The following ADAMTS19 variants were observed in gnomAD, a reference collection of about 807,000 sequenced individuals.
ADAMTS19 encodes the protein ADAM metallopeptidase with thrombospondin type 1 motif 19.
Under a neutral mutation model 153.3 loss-of-function variants are expected in ADAMTS19, and 93 were observed. The ratio of observed to expected loss-of-function variants is 0.61; its 90% CI spans 0.51 to 0.72. The LOEUF is 0.72. ADAMTS19 is among the 30% of genes least tolerant of loss of function. The probability of loss-of-function intolerance (pLI) is 0.00; values close to 1 mark genes in which losing one functional copy is unlikely to be tolerated. For synonymous variants in ADAMTS19, 600 were observed against 556.6 expected, an observed-to-expected ratio of 1.08 and a Z score of -1.10; for missense variants, 1,482 against 1,552.1, an observed-to-expected ratio of 0.95 and a Z score of 0.76.
At chr5:129,720,196 A>T (rs1756935622) in intron 21 of ADAMTS19, among the ~76,000 whole-genome samples, 1 of 145,740 alleles carries the variant, frequency 6.9e-6, no homozygotes, top group Admixed American at 6.8e-5. Context: ...TTTGGAGACA[A>T]AGTCTTGCTC....
chr5:129,516,344 T>A (rs1751606858), intron 3 of ADAMTS19, among the ~76,000 whole-genome samples: 3 of 151,572 alleles, frequency 2.0e-5, no homozygotes, highest in South Asian at 4.2e-4. Flanking sequence ...CCTCCTCTTA[T>A]ATATTTTTTG....
chr5:129,535,956 A>T (rs1189735454), intron 6 of ADAMTS19, among the ~76,000 whole-genome samples: 1 of 152,172 alleles, frequency 6.6e-6, no homozygotes, highest in Non-Finnish European at 1.5e-5. Context: ...AACCATAAAA[A>T]CCCTAGAAGA....
At chr5:129,682,605 T>G (rs1754872298) in intron 17 of ADAMTS19, among the ~76,000 whole-genome samples, 1 of 152,206 alleles carries the variant, frequency 6.6e-6, no homozygotes, top group Non-Finnish European at 1.5e-5. Flanking sequence ...GTATTAATAA[T>G]AGTCTGGGTA....
At chr5:129,603,654 T>C (rs1369232363) in intron 8 of ADAMTS19, among the ~76,000 whole-genome samples, 1 of 152,170 alleles carries the variant, frequency 6.6e-6, no homozygotes, top group Non-Finnish European at 1.5e-5. Context: ...AATAGCATAA[T>C]CCCGTGACCA....
intron 20 of ADAMTS19, among the ~76,000 whole-genome samples, chr5:129,702,941 A>AATATATATATATATATATATATATAT (rs59614056): frequency 1.0e-4 from 3 of 29,264 alleles, no homozygotes; most frequent in African/African-American, 2.6e-4. Flanking sequence ...AAAAAAAAAA[A>AATATATATATATATATATATATATAT]ATATATATAT....
chr5:129,475,161 A>C (rs1278959621), intron 2 of ADAMTS19, among the ~76,000 whole-genome samples: 1 of 151,708 alleles, frequency 6.6e-6, no homozygotes, highest in Non-Finnish European at 1.5e-5. Context: ...CTCAGTGTCT[A>C]ACCCAAAGTC....
intron 2 of ADAMTS19, among the ~76,000 whole-genome samples, chr5:129,496,510 C>T (rs2126701273): frequency 6.6e-6 from 1 of 152,156 alleles, no homozygotes; most frequent in East Asian, 1.9e-4. Context: ...GTTTGCTCCA[C>T]TAATCTTGTT....
chr5:129,685,966 A>G (rs895696064), intron 18 of ADAMTS19, among the ~76,000 whole-genome samples: 2 of 152,224 alleles, frequency 1.3e-5, no homozygotes, highest in African/African-American at 4.8e-5. Flanking sequence ...TATTTTGTCA[A>G]TAAAGGCTAT....
rs199540994 is a variant in ADAMTS19 at position 129,647,791 on chromosome 5, C to A, written c.1899C>A (p.Ser633Arg). The change falls in exon 12 of 23, where the codon AGC becomes AGA. Residue 633 changes from serine to arginine, a missense_variant. Around this residue, in one of 2 missense-constraint regions of ADAMTS19, gnomAD observed 616 missense variants for 724.4 expected, o/e 0.85. Transcript: ENST00000274487. ...GGTGTAAGGCTGGAGAATGTACCAG[C>A]AGGACCTCAGCACCTGAACATCTGG... Reference protein sequence around the residue: ...GKWCKAGECTSRTSAPEHLAG... With the variant: ...GKWCKAGECTRRTSAPEHLAG... 3.1e-4 allele frequency: 505 copies of A among 1,614,012 alleles called. 3 individuals are homozygous for A. Among genetic ancestry groups the A allele is most frequent in the South Asian group, 2.1e-3 (190 of 91,072 alleles).
At chr5:129,549,690 C>A (rs1480835678) in intron 6 of ADAMTS19, among the ~76,000 whole-genome samples, 1 of 150,878 alleles carries the variant, frequency 6.6e-6, no homozygotes, top group East Asian at 2.0e-4. Context: ...TATATCAGAG[C>A]TTTTAAGAGC....
intron 21 of ADAMTS19, among the ~76,000 whole-genome samples, chr5:129,720,177 T>A (rs1208431517): frequency 1.1e-3 from 158 of 145,798 alleles, no homozygotes; most frequent in African/African-American, 4.0e-3. Context: ...TATATTTATT[T>A]TTTTTTTTTT....
At chr5:129,558,408 A>G (rs1753388523) in intron 7 of ADAMTS19, among the ~76,000 whole-genome samples, 1 of 152,134 alleles carries the variant, frequency 6.6e-6, no homozygotes, top group Admixed American at 6.6e-5. Context: ...AAACTTGTTT[A>G]TTTTATGTAA....
At chr5:129,647,709 G>T in intron 11 of ADAMTS19, 56 bp from the exon 12 acceptor site, 5 of 1,573,858 alleles carry the variant, frequency 3.2e-6, no homozygotes, top group South Asian at 1.2e-5. Flanking sequence ...ATAGGCCAGC[G>T]AATGATTTTC....
intron 21 of ADAMTS19, among the ~76,000 whole-genome samples, chr5:129,707,842 A>C (rs990435233): frequency 6.6e-6 from 1 of 152,182 alleles, no homozygotes; most frequent in Non-Finnish European, 1.5e-5. Flanking sequence ...TTAAATGTAC[A>C]ATTTTTTTAT....
chr5:129,606,895 G>A (rs1279804531), intron 8 of ADAMTS19, among the ~76,000 whole-genome samples: 1 of 140,768 alleles, frequency 7.1e-6, no homozygotes, highest in African/African-American at 2.7e-5. Flanking sequence ...TTGGAAATAT[G>A]TTTCCACTTT....
At chr5:129,639,463 A>T (rs1752696972) in intron 10 of ADAMTS19, among the ~76,000 whole-genome samples, 1 of 152,200 alleles carries the variant, frequency 6.6e-6, no homozygotes, top group South Asian at 2.1e-4. Flanking sequence ...GGTAAAAGAC[A>T]TCTCTGAGAG....
At chr5:129,514,166 C>T (rs1360607265) in intron 3 of ADAMTS19, among the ~76,000 whole-genome samples, 1 of 151,960 alleles carries the variant, frequency 6.6e-6, no homozygotes, top group Non-Finnish European at 1.5e-5. Context: ...ATAAGTACCA[C>T]ATTTTCTTTA....
intron 6 of ADAMTS19, among the ~76,000 whole-genome samples, chr5:129,533,444 C>G (rs139971897): frequency 0.017 from 2,520 of 152,116 alleles, 32 homozygotes; most frequent in Non-Finnish European, 0.025. Context: ...GTGATATCCC[C>G]TTTGTCATCT....
At chr5:129,732,996 CA>C (rs2127223269) in intron 21 of ADAMTS19, among the ~76,000 whole-genome samples, 1 of 151,958 alleles carries the variant, frequency 6.6e-6, no homozygotes, top group South Asian at 2.1e-4. Flanking sequence ...AACTCAGAAA[CA>C]AAACCACATA....
Sources: allele counts gnomAD v4.1 joint callset (sites outside exome capture counted in the v4.1 genomes callset), GRCh38; gene constraint gnomAD v4.1.1; regional missense constraint gnomAD v4.1.1; transcripts MANE v1.5; gene names NCBI Gene and HGNC (gene_info 2026-07-23, HGNC 2026-07-21).